Variants in SMARCA1 observed in about 807,000 individuals in gnomAD.
SMARCA1 encodes the protein SNF2 related chromatin remodeling ATPase 1.
SMARCA1 carries 17 observed loss-of-function variants against 93.6 expected under a neutral mutation model. That is an observed-to-expected ratio of 0.18 (90% CI 0.12 to 0.27). The LOEUF is 0.27. Ranked by LOEUF, SMARCA1 falls within the 10% of genes least tolerant of loss-of-function variation. The pLI, the probability that SMARCA1 is intolerant of heterozygous loss-of-function variation, is 1.00. For synonymous variants in SMARCA1, 271 were observed against 271.4 expected (o/e 1.00, Z 0.01); for missense variants, 630 against 819.0 (o/e 0.77, Z 2.82).
In SMARCA1 at chrX:129,515,643, A is replaced by G. The variant is rs768758341; in HGVS notation, c.630+44T>C. On this transcript the variant is annotated intron_variant, in intron 5 of 24. Coordinates refer to ENST00000371121, the MANE Select transcript of SMARCA1 (RefSeq NM_001282874.2). Reference sequence around the variant, plus strand: ...TCAGGTTTTTCAAATTTACATAAAAATCATTGATAACTGAGAATGTGTTTT... The same window carrying G: ...TCAGGTTTTTCAAATTTACATAAAAGTCATTGATAACTGAGAATGTGTTTT... The G allele has an allele frequency of 3.6e-5, 34 of 940,514 alleles. No individual in the cohort carries two copies. The East Asian group carries it at 9.9e-4, about 27-fold the overall frequency. 77.5% of individuals were successfully genotyped at this position (940,514 alleles called of 1,213,427 possible).
chrX:129,449,874 T>A (rs1426774555), intron 23 of SMARCA1, among the ~76,000 whole-genome samples: 3 of 111,101 alleles, frequency 2.7e-5, no homozygotes, highest in African/African-American at 9.8e-5. Flanking sequence ...TCACTGCAAC[T>A]AATGACCAAA....
In SMARCA1 at chrX:129,451,234, T is replaced by A. The variant is rs192059663; in HGVS notation, c.3031-2791A>T. On this transcript the variant is annotated intron_variant, in intron 23 of 24. Coordinates refer to ENST00000371121, the MANE Select transcript of SMARCA1 (RefSeq NM_001282874.2). ...CCATAGCTTCATTCAATAACACACA[T>A]ACAAATTAAACAGCATGTTATTCAA... Among the ~76,000 whole-genome samples, 9 of 111,849 alleles carry A rather than the reference T, an allele frequency of 8.0e-5. No individual in the cohort carries two copies. The East Asian group carries it at 2.0e-3, about 24-fold the overall frequency.
intron 19 of SMARCA1, among the ~76,000 whole-genome samples, chrX:129,478,908 A>G (rs1933515534): frequency 8.9e-6 from 1 of 111,830 alleles, no homozygotes; most frequent in Non-Finnish European, 1.9e-5. Context: ...AGAACGTCTG[A>G]GCGGAACGAA....
chrX:129,498,009 A>G lies in SMARCA1; in HGVS notation c.1340T>C (p.Met447Thr). The G allele has an allele frequency of 4.1e-6, 5 of 1,206,334 alleles. No individual in the cohort carries two copies. The highest frequency in any genetic ancestry group is 5.6e-6 in the Non-Finnish European group (5 of 890,610). ...VLNSSGKMDK[M>T]RLLNILMQLR... Reference sequence around the variant, plus strand: ...CTGCATCAGAATGTTTAAGAGTCGCATCTTGTCCATCTTGCCAGAAGAGTT... The same window carrying G: ...CTGCATCAGAATGTTTAAGAGTCGCGTCTTGTCCATCTTGCCAGAAGAGTT... The change falls in exon 11 of 25, where the codon ATG becomes ACG. Residue 447 changes from methionine (M) to threonine (T), a missense_variant. Physicochemically the swap from Met to Thr is moderately conservative, Grantham distance 81. Coordinates refer to ENST00000371121, the MANE Select transcript of SMARCA1 (RefSeq NM_001282874.2).
At chrX:129,498,835 CG>C (rs1934441626) in intron 10 of SMARCA1, among the ~76,000 whole-genome samples, 1 of 111,568 alleles carries the variant, frequency 9.0e-6, no homozygotes, top group Non-Finnish European at 1.9e-5. Context: ...TATTTATATA[CG>C]TAACATTTTG....
chrX:129,521,535 G>GT (rs1033023350), intron 1 of SMARCA1, among the ~76,000 whole-genome samples: 7 of 111,961 alleles, frequency 6.3e-5, no homozygotes, highest in African/African-American at 2.3e-4. Flanking sequence ...CATCAACTCA[G>GT]TGTTTATATT....
chrX:129,513,926 T>C (rs1283818262), intron 5 of SMARCA1, among the ~76,000 whole-genome samples: 5 of 112,626 alleles, frequency 4.4e-5, no homozygotes, highest in African/African-American at 1.6e-4. Flanking sequence ...ATAATAGTGA[T>C]TACAAGTATG....
At chrX:129,450,023 A>G (rs1932209105) in intron 23 of SMARCA1, among the ~76,000 whole-genome samples, 1 of 112,800 alleles carries the variant, frequency 8.9e-6, no homozygotes, top group Non-Finnish European at 1.9e-5. Flanking sequence ...CTGATGATGA[A>G]ATGTCAATGC....
At chrX:129,486,576 TTA>T (rs1258817225) in intron 17 of SMARCA1, among the ~76,000 whole-genome samples, 4 of 111,490 alleles carry the variant, frequency 3.6e-5, no homozygotes, top group Non-Finnish European at 7.5e-5. Context: ...TCTAATAACT[TTA>T]TGAGTATTAA....
At chrX:129,504,469 A>G (rs1172925191) in intron 9 of SMARCA1, among the ~76,000 whole-genome samples, 2 of 98,603 alleles carry the variant, frequency 2.0e-5, no homozygotes, top group South Asian at 5.8e-4. Flanking sequence ...CAGCCTCTCT[A>G]TTGGAGAGGA....
chrX:129,465,034 A>G (rs912616254), intron 23 of SMARCA1, among the ~76,000 whole-genome samples: 7 of 111,367 alleles, frequency 6.3e-5, no homozygotes, highest in African/African-American at 2.3e-4. Flanking sequence ...GTAATGTGTG[A>G]AACTTGCAGG....
At chrX:129,490,535 A>T (rs1023098416) in intron 14 of SMARCA1, among the ~76,000 whole-genome samples, 3 of 112,194 alleles carry the variant, frequency 2.7e-5, no homozygotes, top group Non-Finnish European at 5.6e-5. Flanking sequence ...TTAAGTAGTT[A>T]GGGTTGCTAT....
chrX:129,470,167 T>C (rs1933050626), intron 20 of SMARCA1, among the ~76,000 whole-genome samples: 1 of 111,841 alleles, frequency 8.9e-6, no homozygotes, highest in Admixed American at 9.5e-5. Flanking sequence ...CAAAATTTGT[T>C]GAATAAATAA....
intron 19 of SMARCA1, among the ~76,000 whole-genome samples, chrX:129,479,819 T>A (rs1007496283): frequency 3.6e-5 from 4 of 110,180 alleles, no homozygotes; most frequent in African/African-American, 1.3e-4. Flanking sequence ...TGCCTCAGCC[T>A]CCCGAGTAGC....
At position 129,490,046 on chromosome X, in the gene SMARCA1, C is replaced by A; in HGVS notation, c.1948+14G>T. ...TTACAAAAAACACCTAATTAAGTTT[C>A]TATGTATAAATACCTTGTTGTATAA... On this transcript the variant is annotated intron_variant, in intron 15 of 24. Transcript: ENST00000371121. 5.3e-6 allele frequency: 6 copies of A among 1,136,012 alleles called. No individual in the cohort carries two copies. Among genetic ancestry groups the A allele is most frequent in the African/African-American group, 1.8e-5 (1 of 55,881 alleles). The allele number at this position is 1,136,012 out of a possible 1,213,427, so 93.6% of individuals were successfully genotyped here. A position where few individuals can be genotyped will look rare whatever the true frequency, so the allele number is the denominator to read the frequency against.
intron 19 of SMARCA1, among the ~76,000 whole-genome samples, chrX:129,479,791 A>C (rs1163160987): frequency 2.7e-5 from 3 of 109,802 alleles, no homozygotes; most frequent in Non-Finnish European, 5.7e-5. Flanking sequence ...TTCACCTCCC[A>C]GGATCAAGCG....
intron 1 of SMARCA1, among the ~76,000 whole-genome samples, chrX:129,521,641 T>C (rs1476731557): frequency 8.9e-6 from 1 of 112,150 alleles, no homozygotes; most frequent in Non-Finnish European, 1.9e-5. Flanking sequence ...CAACCTCTCC[T>C]GCCATACAAA....
chrX:129,510,091 T>C (rs1200593428), intron 6 of SMARCA1, among the ~76,000 whole-genome samples: 4 of 112,275 alleles, frequency 3.6e-5, no homozygotes, highest in Non-Finnish European at 5.6e-5. Context: ...ATGGTACACT[T>C]ATTATTTATG....
At chrX:129,518,528 C>T (rs1415629700) in intron 1 of SMARCA1, 81 bp from the exon 2 acceptor site, 4 of 530,296 alleles carry the variant, frequency 7.5e-6, no homozygotes, top group East Asian at 3.7e-5. Flanking sequence ...TAGAAGAAGG[C>T]GGAAAGTAAT....
Sources: gnomAD v4.1 joint callset for allele counts (sites outside exome capture counted in the v4.1 genomes callset) on GRCh38, gnomAD v4.1.1 for gene constraint, MANE v1.5 for transcripts, NCBI Gene and HGNC (gene_info 2026-07-23, HGNC 2026-07-21) for gene names.